CP: variants seen among roughly 807,000 people sequenced by gnomAD.
CP encodes the protein caeruloplasmin.
Under a neutral mutation model 122.4 loss-of-function variants are expected in CP, and 64 were observed. The observed-to-expected ratio is 0.52, with a 90% confidence interval of 0.43 to 0.64. CP has a LOEUF of 0.64. Ranked by LOEUF, CP falls within the 30% of genes least tolerant of loss-of-function variation. The pLI is 0.00. For missense variants in CP, 1,167 were observed against 1,284.4 expected, an observed-to-expected ratio of 0.91 and a Z score of 1.40; for synonymous variants, 440 against 436.4, an observed-to-expected ratio of 1.01 and a Z score of -0.10.
downstream of CP, among the ~76,000 whole-genome samples, chr3:149,169,365 G>A (rs1724754841): frequency 6.6e-6 from 1 of 152,156 alleles, no homozygotes; most frequent in Admixed American, 6.5e-5. Context: ...GAGCAACCCA[G>A]TTTTCTAATG....
At chr3:149,200,477 A>G (rs34251410) in intron 7 of CP, among the ~76,000 whole-genome samples, 1 of 152,200 alleles carries the variant, frequency 6.6e-6, no homozygotes, top group African/African-American at 2.4e-5. Flanking sequence ...AGAAGGGAGC[A>G]GGGACAGACA....
intron 9 of CP, among the ~76,000 whole-genome samples, chr3:149,190,656 TA>T (rs146345788): frequency 0.21 from 13,393 of 64,116 alleles, 975 homozygotes; most frequent in African/African-American, 0.39. Flanking sequence ...AGACTCTGTC[TA>T]AAAAAAAAAA....
chr3:149,168,909 T>C (rs748372635), downstream of CP, among the ~76,000 whole-genome samples: 1 of 146,994 alleles, frequency 6.8e-6, no homozygotes, highest in African/African-American at 2.4e-5. Context: ...GCATCATCAT[T>C]ATCTTAATCA....
At chr3:149,214,869 T>C (rs1323727021) in intron 1 of CP, among the ~76,000 whole-genome samples, 1 of 152,208 alleles carries the variant, frequency 6.6e-6, no homozygotes, top group Non-Finnish European at 1.5e-5. Context: ...TCAGTCCATA[T>C]GACTGAGAGG....
Position 149,185,361 on chromosome 3 carries a change from C to T in CP, c.2163G>A (p.Gln721=). The T allele has an allele frequency of 4.3e-6, 7 of 1,614,154 alleles. No homozygotes were observed. Among genetic ancestry groups the T allele is most frequent in the Non-Finnish European group, 5.9e-6 (7 of 1,180,014 alleles). ...CCAGGTAGAAGGTGGAATCCTCAGA[C>T]TGCCGCCTGCATTGGTTCACAGTAT... is the stretch of plus-strand genomic sequence containing the variant. The part of the protein sequence containing the change: ...QKYTVNQCRR[Q]SEDSTFYLGE... Residue 721 remains glutamine, a synonymous_variant, in exon 12 of 19, where the codon CAG becomes CAA. Transcript: ENST00000264613.
chr3:149,166,739 T>A (rs1020700230), intron 4 of CP, among the ~76,000 whole-genome samples: 1 of 152,206 alleles, frequency 6.6e-6, no homozygotes, highest in African/African-American at 2.4e-5. Flanking sequence ...TCTCTTAGGA[T>A]AGAGTCCTAA....
chr3:149,215,493 C>T (rs946038491), intron 1 of CP, among the ~76,000 whole-genome samples: 3 of 152,172 alleles, frequency 2.0e-5, no homozygotes, highest in African/African-American at 7.2e-5. Flanking sequence ...ATACACATTG[C>T]AATATGCAAA....
At chr3:149,203,945 T>C (rs1727523380) in intron 6 of CP, among the ~76,000 whole-genome samples, 1 of 152,180 alleles carries the variant, frequency 6.6e-6, no homozygotes, top group South Asian at 2.1e-4. Context: ...AGGAAGTGAT[T>C]ACTCAAAACT....
chr3:149,212,135 T>C lies in CP; in HGVS notation c.394+316A>G, dbSNP rs34842353. Among the ~76,000 whole-genome samples, 8,719 of 149,652 alleles carry C rather than the reference T, an allele frequency of 0.058. 668 individuals carry two copies. The highest frequency in any genetic ancestry group is 0.18 in the African/African-American group (7,433 of 40,718). On this transcript the variant is annotated intron_variant, in intron 2 of 18. Transcript: ENST00000264613. Reference sequence around the variant, plus strand: ...GGTGAAACCCCGTCTCTACTAAAAATGCAAAAAAAAAATAAAAATAAAAAA... The same window carrying C: ...GGTGAAACCCCGTCTCTACTAAAAACGCAAAAAAAAAATAAAAATAAAAAA...
chr3:149,185,519 T>TA (rs1726108292), intron 11 of CP, 73 bp from the exon 12 acceptor site: 3 of 1,408,874 alleles, frequency 2.1e-6, no homozygotes, highest in African/African-American at 1.4e-5. Flanking sequence ...TCCTCAGAAT[T>TA]AATGCTGAAG....
intron 15 of CP, 82 bp from the exon 16 acceptor site, chr3:149,178,713 A>G: frequency 9.7e-7 from 1 of 1,027,136 alleles, no homozygotes; most frequent in Admixed American, 2.0e-5. Flanking sequence ...CCAGGGCCTC[A>G]GGAATTTTGG....
chr3:149,162,449 A>G, exon 6 of CP: 1 of 991,738 alleles, frequency 1.0e-6, no homozygotes, highest in Non-Finnish European at 1.6e-6. Flanking sequence ...AAACAGACAT[A>G]CATAATCAGT....
chr3:149,169,229 C>A (rs985025843), downstream of CP, among the ~76,000 whole-genome samples: 4 of 152,128 alleles, frequency 2.6e-5, no homozygotes, highest in African/African-American at 4.8e-5. Flanking sequence ...AGGGAGACAG[C>A]TGAAGAACTT....
At chr3:149,193,310 C>G (rs1726670500) in intron 9 of CP, among the ~76,000 whole-genome samples, 1 of 152,012 alleles carries the variant, frequency 6.6e-6, no homozygotes, top group African/African-American at 2.4e-5. Context: ...TCAAATACAC[C>G]CAGTTCATAA....
intron 1 of CP, among the ~76,000 whole-genome samples, chr3:149,215,810 T>C (rs1197010334): frequency 6.6e-6 from 1 of 152,214 alleles, no homozygotes; most frequent in Non-Finnish European, 1.5e-5. Context: ...AACTGTAGTA[T>C]GTTCCTTTCT....
chr3:149,213,243 G>A (rs1576784069), intron 1 of CP, among the ~76,000 whole-genome samples: 1 of 152,234 alleles, frequency 6.6e-6, no homozygotes, highest in African/African-American at 2.4e-5. Context: ...ATCAAAGCTA[G>A]AGTTGTTGAT....
intron 10 of CP, among the ~76,000 whole-genome samples, chr3:149,187,001 G>A (rs903188885): frequency 1.1e-4 from 16 of 152,010 alleles, no homozygotes; most frequent in African/African-American, 3.6e-4. Flanking sequence ...TGCTCTTCCT[G>A]GCTAAAACAA....
intron 9 of CP, among the ~76,000 whole-genome samples, chr3:149,197,497 C>T (rs1726969845): frequency 6.7e-6 from 1 of 148,914 alleles, no homozygotes; most frequent in South Asian, 2.1e-4. Context: ...CCCAGTACCA[C>T]ATTTGAAGCA....
intron 17 of CP, 95 bp from the exon 18 acceptor site, chr3:149,176,507 G>T (rs920267521): frequency 4.0e-6 from 4 of 1,011,390 alleles, no homozygotes; most frequent in Non-Finnish European, 6.0e-6. Flanking sequence ...TTGAAAAAAT[G>T]GATAAATCTG....
Sources: allele counts gnomAD v4.1 joint callset (sites outside exome capture counted in the v4.1 genomes callset), GRCh38; gene constraint gnomAD v4.1.1; transcripts MANE v1.5; gene names NCBI Gene and HGNC (gene_info 2026-07-23, HGNC 2026-07-21).